The following FOCAD variants were observed in gnomAD, a reference collection of about 807,000 sequenced individuals.
FOCAD encodes the protein focadhesin.
A neutral mutation model predicts 225.6 loss-of-function variants in FOCAD; 198 were observed. The ratio of observed to expected loss-of-function variants is 0.88; its 90% CI spans 0.78 to 0.99. FOCAD has a LOEUF of 0.99. FOCAD is among the 50% of genes least tolerant of loss of function. The probability of loss-of-function intolerance (pLI) is 0.00; values close to 1 mark genes in which losing one functional copy is unlikely to be tolerated. For synonymous variants in FOCAD, 897 were observed against 755.0 expected (o/e 1.19, Z -3.08); for missense variants, 2,713 against 2,123.6 (o/e 1.28, Z -5.46).
At chr9:20,709,633 T>A (rs1256896905) in intron 1 of FOCAD, among the ~76,000 whole-genome samples, 1 of 152,126 alleles carries the variant, frequency 6.6e-6, no homozygotes, top group African/African-American at 2.4e-5. Flanking sequence ...GGCCAATGTT[T>A]GTGATTAACC....
At chr9:20,985,677 A>C (rs1013149578) in intron 39 of FOCAD, among the ~76,000 whole-genome samples, 2 of 152,210 alleles carry the variant, frequency 1.3e-5, no homozygotes, top group African/African-American at 4.8e-5. Flanking sequence ...CACAGTTCCC[A>C]TATGAGTATT....
chr9:20,875,134 A>G, intron 19 of FOCAD: 1 of 245,398 alleles, frequency 4.1e-6, no homozygotes, highest in Non-Finnish European at 7.7e-6. Context: ...GATTTAAACA[A>G]TACTTCTTTC....
chr9:20,813,694 C>T (rs977314949), intron 11 of FOCAD, among the ~76,000 whole-genome samples: 1 of 152,288 alleles, frequency 6.6e-6, no homozygotes, highest in African/African-American at 2.4e-5. Flanking sequence ...TGAGAGAGAA[C>T]ATGCTGTTGC....
chr9:20,787,740 CT>C (rs1363673055), intron 10 of FOCAD, among the ~76,000 whole-genome samples: 1 of 150,092 alleles, frequency 6.7e-6, no homozygotes, highest in Admixed American at 6.6e-5. Context: ...TTACTAATTT[CT>C]TCTGTATTTG....
intron 21 of FOCAD, among the ~76,000 whole-genome samples, chr9:20,904,875 A>G (rs1484085343): frequency 6.6e-6 from 1 of 152,026 alleles, no homozygotes; most frequent in African/African-American, 2.4e-5. Context: ...ATAAATGCTA[A>G]TTGAATTTAT....
At chr9:20,721,728 A>G (rs935669074) in intron 4 of FOCAD, among the ~76,000 whole-genome samples, 1 of 152,086 alleles carries the variant, frequency 6.6e-6, no homozygotes, top group Non-Finnish European at 1.5e-5. Flanking sequence ...ATTTGTGGAA[A>G]GATTCCTGGG....
intron 24 of FOCAD, among the ~76,000 whole-genome samples, chr9:20,918,242 C>T (rs1479004587): frequency 2.0e-5 from 3 of 152,360 alleles, no homozygotes; most frequent in Admixed American, 6.5e-5. Flanking sequence ...AAACTACCAA[C>T]TTTCTCCTAA....
At chr9:20,782,877 TTGAATGTA>T (rs1819517875) in intron 10 of FOCAD, among the ~76,000 whole-genome samples, 1 of 152,220 alleles carries the variant, frequency 6.6e-6, no homozygotes, top group Non-Finnish European at 1.5e-5. Context: ...TATAGGCAAA[TTGAATGTA>T]TACTACAGCT....
chr9:20,816,086 G>A (rs17759393), intron 11 of FOCAD, among the ~76,000 whole-genome samples: 24,635 of 151,964 alleles, frequency 0.16, 2,501 homozygotes, highest in Non-Finnish European at 0.22. Context: ...GAACTGGCCA[G>A]AGGAAAAGAC....
In FOCAD at chr9:20,987,414, A is replaced by C. The variant is rs187640397; in HGVS notation, c.4907-918A>C. On this transcript the variant is annotated intron_variant, in intron 40 of 43. Transcript: ENST00000338382. ...TCCCAGCTACTCAGGAGGCTGAGGCAGGAGAATTGCTTGAACCCAGGAGGC... is the reference window on the plus strand; with the variant it reads ...TCCCAGCTACTCAGGAGGCTGAGGCCGGAGAATTGCTTGAACCCAGGAGGC... Among the ~76,000 whole-genome samples the C allele has an allele frequency of 9.5e-4, 145 of 152,120 alleles. 3 individuals carry two copies. In the East Asian group the frequency reaches 0.026, roughly 27 times the overall value.
chr9:20,672,934 T>C (rs1331586253), intron 2 of FOCAD, among the ~76,000 whole-genome samples: 2 of 152,246 alleles, frequency 1.3e-5, no homozygotes, highest in Non-Finnish European at 2.9e-5. Flanking sequence ...TTCTAATACA[T>C]AACTTATTGA....
At chr9:20,899,099 T>C (rs1489876520) in intron 21 of FOCAD, among the ~76,000 whole-genome samples, 1 of 151,896 alleles carries the variant, frequency 6.6e-6, no homozygotes, top group Admixed American at 6.6e-5. Context: ...CTGATAAAAC[T>C]CTTATTAGGT....
chr9:20,916,754 C>A lies in FOCAD; in HGVS notation c.2808-139C>A, dbSNP rs977998015. Reference sequence around the variant, plus strand: ...AGCAGAGCCCTTATTACAGTTCTTTCACCTTATACTGAAATTCTACCTGTA... The same window carrying A: ...AGCAGAGCCCTTATTACAGTTCTTTAACCTTATACTGAAATTCTACCTGTA... On this transcript the variant is annotated intron_variant, in intron 23 of 43. Coordinates refer to ENST00000338382, the MANE Select transcript of FOCAD (RefSeq NM_001375567.1). 19 of 737,506 alleles carry A rather than the reference C, an allele frequency of 2.6e-5. No homozygotes were observed. The East Asian group carries it at 4.4e-4, about 17-fold the overall frequency. The allele number at this position is 737,506 out of a possible 1,614,324, so 45.7% of individuals were successfully genotyped here.
intron 28 of FOCAD, among the ~76,000 whole-genome samples, chr9:20,937,470 C>A (rs1836109922): frequency 1.3e-5 from 2 of 152,006 alleles, no homozygotes; most frequent in African/African-American, 4.8e-5. Flanking sequence ...CAAAAACAAG[C>A]AATGGGGAAA....
At position 20,885,218 on chromosome 9, in the gene FOCAD, T is replaced by C; in HGVS notation, c.2613T>C (p.Ala871=). ...GAAGTTTCAAGCAGACTTCACTTGC[T>C]CTTGTACATGAGGTAGGTTCCCGTG... ...RGRSFKQTSL[A]LVHEVHIQLS... is the part of the protein sequence containing the mutation. The change falls in exon 21 of 44, where the codon GCT becomes GCC. Residue 871 remains alanine (A), a synonymous_variant. Transcript: ENST00000338382. The C allele has an allele frequency of 1.3e-6, 2 of 1,521,946 alleles. No individual in the cohort carries two copies. The highest frequency in any genetic ancestry group is 8.8e-7 in the Non-Finnish European group (1 of 1,132,814). 94.3% of individuals were successfully genotyped at this position (1,521,946 alleles called of 1,614,324 possible). A position where few individuals can be genotyped will look rare whatever the true frequency, so the allele number is the denominator to read the frequency against.
chr9:20,884,018 A>G (rs1296813501), intron 20 of FOCAD, among the ~76,000 whole-genome samples: 1 of 152,194 alleles, frequency 6.6e-6, no homozygotes, highest in East Asian at 1.9e-4. Context: ...GTGTATGTGA[A>G]TACAGGAATG....
chr9:20,850,800 G>T (rs946008801), intron 15 of FOCAD, among the ~76,000 whole-genome samples: 3 of 149,528 alleles, frequency 2.0e-5, no homozygotes, highest in Non-Finnish European at 4.5e-5. Context: ...ACTCCTTTCT[G>T]ATCTCTGCTC....
At chr9:20,984,694 A>G (rs1840993807) in intron 39 of FOCAD, among the ~76,000 whole-genome samples, 1 of 152,220 alleles carries the variant, frequency 6.6e-6, no homozygotes, top group South Asian at 2.1e-4. Flanking sequence ...AGCCTCATAC[A>G]GATATGCAGG....
chr9:20,794,347 T>C (rs1820842061), intron 11 of FOCAD, among the ~76,000 whole-genome samples: 1 of 152,182 alleles, frequency 6.6e-6, no homozygotes, highest in Admixed American at 6.5e-5. Context: ...GTGATTGCCA[T>C]AGTGTATATA....
Sources: allele counts gnomAD v4.1 joint callset (sites outside exome capture counted in the v4.1 genomes callset), GRCh38; gene constraint gnomAD v4.1.1; transcripts MANE v1.5; gene names NCBI Gene and HGNC (gene_info 2026-07-23, HGNC 2026-07-21).